The following KALRN variants were observed in gnomAD, a reference collection of about 807,000 sequenced individuals.
KALRN encodes the protein kalirin.
A neutral mutation model predicts 353.7 loss-of-function variants in KALRN; 70 were observed. The ratio of observed to expected loss-of-function variants is 0.20; its 90% CI spans 0.16 to 0.24. The LOEUF (loss-of-function observed/expected upper bound fraction) is 0.24, where lower values mean the gene tolerates loss of function less well. KALRN is among the 10% of genes least tolerant of loss of function. The probability of loss-of-function intolerance (pLI) is 1.00; values close to 1 mark genes in which losing one functional copy is unlikely to be tolerated. For synonymous variants in KALRN, 1,391 were observed against 1,434.8 expected (o/e 0.97, Z 0.69); for missense variants, 2,791 against 3,756.7 (o/e 0.74, Z 6.72).
chr3:124,246,176 AT>A (rs1202880188), intron 3 of KALRN, among the ~76,000 whole-genome samples: 7 of 152,212 alleles, frequency 4.6e-5, no homozygotes, highest in Non-Finnish European at 8.8e-5. Context: ...TTCCAATGAG[AT>A]TTCCTATTCT....
chr3:124,135,124 C>G, intron 1 of KALRN, among the ~76,000 whole-genome samples: 1 of 152,104 alleles, frequency 6.6e-6, no homozygotes, highest in Non-Finnish European at 1.5e-5. Context: ...GTGGAACCAA[C>G]CCAAATGCCC....
rs58523719 is a variant in KALRN at position 124,628,742 on chromosome 3, A to ATTTT, written c.5183-3653_5183-3650dup. Among the ~76,000 whole-genome samples the ATTTT allele has an allele frequency of 2.4e-3, 243 of 100,122 alleles. 25 individuals are homozygous for ATTTT. The highest frequency in any genetic ancestry group is 0.01 in the African/African-American group (220 of 21,478). The allele number at this position is 100,122 out of a possible 152,430, so 65.7% of individuals were successfully genotyped here. A position where few individuals can be genotyped will look rare whatever the true frequency, so the allele number is the denominator to read the frequency against. On this transcript the variant is annotated intron_variant, in intron 34 of 59. Transcript: ENST00000682506. ...AGTCATGTGCCACCACACCTGGCTA[A>ATTTT]TTTTTTTTTTTTTTTTTTTTTTTTT...
intron 10 of KALRN, among the ~76,000 whole-genome samples, chr3:124,368,504 G>C (rs1172438004): frequency 6.6e-6 from 1 of 150,742 alleles, no homozygotes; most frequent in South Asian, 2.1e-4. Flanking sequence ...TAGATGTGAT[G>C]GTGGCTGGGA....
chr3:124,569,314 C>T (rs554484487), intron 34 of KALRN, among the ~76,000 whole-genome samples: 1 of 152,232 alleles, frequency 6.6e-6, no homozygotes, highest in East Asian at 1.9e-4. Context: ...GAACAGCTTC[C>T]CCATGCTGCA....
chr3:124,035,938 G>T (rs189178238), intron 1 of KALRN, among the ~76,000 whole-genome samples: 74 of 152,262 alleles, frequency 4.9e-4, no homozygotes, highest in African/African-American at 1.7e-3. Flanking sequence ...TGCAAGAGGG[G>T]GTAGGTCAAG....
At chr3:124,670,871 A>G (rs1011812664) in intron 47 of KALRN, among the ~76,000 whole-genome samples, 1 of 152,086 alleles carries the variant, frequency 6.6e-6, no homozygotes, top group Non-Finnish European at 1.5e-5. Flanking sequence ...TCTGAGTTCC[A>G]CTGACTGCCA....
chr3:124,702,840 C>T (rs1579031498), intron 57 of KALRN, among the ~76,000 whole-genome samples: 1 of 152,150 alleles, frequency 6.6e-6, no homozygotes, highest in East Asian at 1.9e-4. Context: ...GGTTAGAGAA[C>T]ATTTAGTGTG....
At chr3:124,117,176 C>T (rs567579017) in intron 1 of KALRN, among the ~76,000 whole-genome samples, 1 of 152,248 alleles carries the variant, frequency 6.6e-6, no homozygotes, top group East Asian at 1.9e-4. Context: ...GATTTCAGAC[C>T]TTGCAGGCTT....
chr3:124,377,842 G>A (rs1187958882), intron 10 of KALRN, among the ~76,000 whole-genome samples: 9 of 151,952 alleles, frequency 5.9e-5, no homozygotes, highest in East Asian at 1.9e-4. Flanking sequence ...AATCTACTAC[G>A]TCTGATATTA....
At chr3:124,385,253 G>T (rs1384893234) in intron 11 of KALRN, among the ~76,000 whole-genome samples, 3 of 152,136 alleles carry the variant, frequency 2.0e-5, no homozygotes, top group Non-Finnish European at 4.4e-5. Context: ...GAGGAAAAGG[G>T]GTCATGGAGA....
At chr3:124,346,131 T>C (rs6770266) in intron 9 of KALRN, among the ~76,000 whole-genome samples, 3,253 of 152,286 alleles carry the variant, frequency 0.021, 102 homozygotes, top group African/African-American at 0.074. Flanking sequence ...AATTCTGATT[T>C]AATTGTGGTC....
At chr3:124,680,165 G>A (rs966211102) in intron 51 of KALRN, among the ~76,000 whole-genome samples, 2 of 152,270 alleles carry the variant, frequency 1.3e-5, no homozygotes, top group African/African-American at 2.4e-5. Flanking sequence ...CCTGGGGAGG[G>A]CCTGTCTCCT....
intron 33 of KALRN, among the ~76,000 whole-genome samples, chr3:124,551,031 A>T (rs1482200682): frequency 3.3e-5 from 5 of 152,142 alleles, no homozygotes; most frequent in Non-Finnish European, 7.4e-5. Flanking sequence ...ATGGAGCTGG[A>T]TCATAAACCA....
At chr3:124,038,997 C>T (rs2039690848) in intron 1 of KALRN, among the ~76,000 whole-genome samples, 1 of 152,254 alleles carries the variant, frequency 6.6e-6, no homozygotes, top group East Asian at 1.9e-4. Flanking sequence ...CCCTCATTCT[C>T]ATCCCTTGGA....
rs116234366 is a variant in KALRN, at chr3:124,394,114, A to T, written c.1963-1021A>T. Among the ~76,000 whole-genome samples, 790 of 152,360 alleles carry T rather than the reference A, an allele frequency of 5.2e-3. 5 individuals carry two copies. Among genetic ancestry groups the T allele is most frequent in the African/African-American group, 0.018 (749 of 41,574 alleles). On this transcript the variant is annotated intron_variant, in intron 11 of 59. Coordinates refer to ENST00000682506, the MANE Select transcript of KALRN (RefSeq NM_001388419.1). Reference sequence around the variant, plus strand: ...CCCAACCTACTTTACACATGATGTCATGGAGATGGAAGGGTATAGTGATTT... The same window carrying T: ...CCCAACCTACTTTACACATGATGTCTTGGAGATGGAAGGGTATAGTGATTT...
intron 27 of KALRN, among the ~76,000 whole-genome samples, chr3:124,480,871 C>T (rs1213037321): frequency 6.6e-6 from 1 of 152,208 alleles, no homozygotes; most frequent in East Asian, 1.9e-4. Context: ...TGTGTTGTTG[C>T]ATGCATCAGA....
intron 6 of KALRN, among the ~76,000 whole-genome samples, chr3:124,300,811 A>T (rs1388632068): frequency 2.6e-5 from 4 of 152,266 alleles, no homozygotes. Context: ...TGATTGTGTT[A>T]TCAGTCTTGG....
chr3:124,572,087 C>T (rs1343879769), intron 34 of KALRN, among the ~76,000 whole-genome samples: 2 of 151,502 alleles, frequency 1.3e-5, no homozygotes, highest in African/African-American at 2.4e-5. Flanking sequence ...CTTTGGGAGG[C>T]CAAGGCAGAT....
At chr3:124,055,502 T>C (rs2041446017) in intron 1 of KALRN, among the ~76,000 whole-genome samples, 1 of 152,250 alleles carries the variant, frequency 6.6e-6, no homozygotes, top group South Asian at 2.1e-4. Flanking sequence ...TTGTTATGCA[T>C]AGAAGTCATT....
Sources: gnomAD v4.1 joint callset for allele counts (sites outside exome capture counted in the v4.1 genomes callset) on GRCh38, gnomAD v4.1.1 for gene constraint, MANE v1.5 for transcripts, NCBI Gene and HGNC (gene_info 2026-07-23, HGNC 2026-07-21) for gene names.